The following SLC24A4 variants were observed in gnomAD, a reference collection of about 807,000 sequenced individuals.
The protein encoded by SLC24A4 is solute carrier family 24 member 4.
In SLC24A4, 53 loss-of-function variants were observed where a neutral mutation model predicts 79.0. That is an observed-to-expected ratio of 0.67 (90% CI 0.54 to 0.84). The LOEUF (loss-of-function observed/expected upper bound fraction) is 0.84. SLC24A4 is among the 40% of genes least tolerant of loss of function. The pLI is 0.00. For missense variants in SLC24A4, 731 were observed against 822.0 expected, an observed-to-expected ratio of 0.89 and a Z score of 1.35; for synonymous variants, 323 against 323.8, an observed-to-expected ratio of 1.00 and a Z score of 0.03.
chr14:92,481,458 C>T (rs1895069663), intron 12 of SLC24A4, among the ~76,000 whole-genome samples: 1 of 152,200 alleles, frequency 6.6e-6, no homozygotes, highest in African/African-American at 2.4e-5. Context: ...AAAATAAAGA[C>T]AGCCTTGAAA....
intron 7 of SLC24A4, among the ~76,000 whole-genome samples, chr14:92,444,688 C>T (rs960198668): frequency 6.6e-6 from 1 of 152,120 alleles, no homozygotes; most frequent in African/African-American, 2.4e-5. Flanking sequence ...AACCTTGTCT[C>T]TACTAAAAGT....
intron 6 of SLC24A4, 90 bp downstream of exon 6, chr14:92,442,906 G>T: frequency 9.3e-7 from 1 of 1,071,624 alleles, no homozygotes; most frequent in Non-Finnish European, 1.4e-6. Context: ...TAGCAGTGGG[G>T]ACGCCCACAG....
chr14:92,488,141 G>A (rs560553094), intron 14 of SLC24A4, among the ~76,000 whole-genome samples: 226 of 148,536 alleles, frequency 1.5e-3, no homozygotes, highest in Non-Finnish European at 2.3e-3. Flanking sequence ...GCGTGATCTC[G>A]GCTTACTGCA....
At chr14:92,422,321 A>G (rs1891333947) in intron 2 of SLC24A4, among the ~76,000 whole-genome samples, 2 of 152,232 alleles carry the variant, frequency 1.3e-5, no homozygotes, top group African/African-American at 4.8e-5. Flanking sequence ...CACACATATG[A>G]CTTTCACCCT....
chr14:92,332,137 C>T (rs1885515593), intron 2 of SLC24A4, among the ~76,000 whole-genome samples: 1 of 152,006 alleles, frequency 6.6e-6, no homozygotes, highest in Admixed American at 6.5e-5. Flanking sequence ...AAAAAATTAG[C>T]CAGGCATCAT....
rs750051961 is a variant in SLC24A4 at position 92,439,379 on chromosome 14, C to G, written c.363C>G (p.Phe121Leu). ...FYALAIVCDD[F>L]FVPSLEKICE... ...CCTTGGCCATAGTGTGCGATGACTT[C>G]TTTGTTCCGTCTCTAGAGAAGATCT... is the stretch of plus-strand genomic sequence containing the variant. Residue 121 changes from phenylalanine (F) to leucine (L), a missense_variant, in exon 4 of 17, where the codon TTC (phenylalanine) becomes TTG (leucine). Phe to Leu is a conservative substitution (Grantham distance 22). Transcript: ENST00000532405. The G allele has an allele frequency of 1.9e-5, 30 of 1,613,126 alleles. No homozygotes were observed. In the Middle Eastern group the frequency reaches 8.3e-4, roughly 44 times the overall value.
chr14:92,427,373 G>T (rs1891620690), intron 2 of SLC24A4, among the ~76,000 whole-genome samples: 1 of 152,280 alleles, frequency 6.6e-6, no homozygotes, highest in Admixed American at 6.5e-5. Flanking sequence ...CATGGGGAAG[G>T]TGGCATGAGT....
At position 92,353,235 on chromosome 14, in the gene SLC24A4, A is replaced by G. The variant is rs1163862248; in HGVS notation, c.241+27257A>G. On this transcript the variant is annotated intron_variant, in intron 2 of 16. Coordinates refer to ENST00000532405, the MANE Select transcript of SLC24A4 (RefSeq NM_153646.4). The surrounding 1 kb of genome is among the most constrained non-coding windows in gnomAD (Gnocchi z 4.1). ...TGATCCGTACCTATCTTTGCTCAATATTGAAGGCTAACCCAAGTCATTAAT... is the reference window on the plus strand; with the variant it reads ...TGATCCGTACCTATCTTTGCTCAATGTTGAAGGCTAACCCAAGTCATTAAT... Among the ~76,000 whole-genome samples the G allele has an allele frequency of 6.6e-6, 1 of 152,204 alleles. No homozygotes were observed. The highest frequency in any genetic ancestry group is 2.4e-5 in the African/African-American group (1 of 41,444).
At chr14:92,403,396 A>G (rs1040601470) in intron 2 of SLC24A4, among the ~76,000 whole-genome samples, 1 of 152,044 alleles carries the variant, frequency 6.6e-6, no homozygotes, top group African/African-American at 2.4e-5. Flanking sequence ...TCACGAGGTC[A>G]GAAGATTGAG....
intron 12 of SLC24A4, among the ~76,000 whole-genome samples, chr14:92,464,987 G>C (rs78431398): frequency 0.027 from 4,182 of 152,230 alleles, 187 homozygotes; most frequent in African/African-American, 0.095. Context: ...CCAGCACCGT[G>C]CCTGACATCT....
chr14:92,480,144 A>ATT (rs56249341), intron 12 of SLC24A4, among the ~76,000 whole-genome samples: 20 of 148,570 alleles, frequency 1.3e-4, no homozygotes, highest in South Asian at 2.1e-4. Flanking sequence ...GATTCTTTGT[A>ATT]TTTTTTTTTA....
intron 2 of SLC24A4, among the ~76,000 whole-genome samples, chr14:92,329,699 G>A (rs1179055314): frequency 1.3e-5 from 2 of 152,192 alleles, no homozygotes; most frequent in East Asian, 1.9e-4. Flanking sequence ...TAGAGGCAGG[G>A]TTTTGCCATG....
Position 92,492,257 on chromosome 14 carries a change from C to A in SLC24A4, c.1716+17C>A. On this transcript the variant is annotated intron_variant, in intron 16 of 16. Transcript: ENST00000532405. ...GCTCTCACCGTGAGTCTTTACAATTCCAAAACAGATGCCTCATGCATACTT... is the reference window on the plus strand; with the variant it reads ...GCTCTCACCGTGAGTCTTTACAATTACAAAACAGATGCCTCATGCATACTT... 1 of 1,612,344 alleles carries A rather than the reference C, an allele frequency of 6.2e-7. No homozygotes were observed. Among genetic ancestry groups the A allele is most frequent in the South Asian group, 1.1e-5 (1 of 91,026 alleles).
chr14:92,482,731 T>A lies in SLC24A4; in HGVS notation c.1307T>A (p.Leu436His). Residue 436 changes from leucine to histidine, a missense_variant, in exon 13 of 17, where the codon CTC becomes CAC. Leu to His is a moderately conservative substitution (Grantham distance 99). Transcript: ENST00000532405. The part of the protein sequence containing the change: ...KWVFTWPLIF[L>H]LCVTIPNCSK... The stretch of plus-strand genomic sequence containing the variant: ...GTGTTCACCTGGCCCCTCATCTTCC[T>A]CCTGTGCGTCACCATTCCCAACTGC... 6.2e-7 allele frequency: 1 copy of A among 1,614,114 alleles called. No homozygotes were observed. Among genetic ancestry groups the A allele is most frequent in the Non-Finnish European group, 8.5e-7 (1 of 1,179,998 alleles).
At chr14:92,358,926 T>C (rs1255841015) in intron 2 of SLC24A4, among the ~76,000 whole-genome samples, 1 of 151,896 alleles carries the variant, frequency 6.6e-6, no homozygotes, top group Admixed American at 6.6e-5. Flanking sequence ...CCTCAAGTGA[T>C]CCACTCACCT....
chr14:92,328,160 C>G (rs895393786), intron 2 of SLC24A4, among the ~76,000 whole-genome samples: 16 of 152,232 alleles, frequency 1.1e-4, no homozygotes, highest in Non-Finnish European at 1.9e-4. Context: ...CAGGTGGGGT[C>G]TGTGGCCAGC....
intron 15 of SLC24A4, 26 bp downstream of exon 15, chr14:92,491,803 T>A: frequency 6.4e-7 from 1 of 1,561,906 alleles, no homozygotes; most frequent in Non-Finnish European, 8.8e-7. Flanking sequence ...CTTTAACAGA[T>A]GTGTTTTACC....
At chr14:92,464,909 G>A (rs1015996129) in intron 12 of SLC24A4, among the ~76,000 whole-genome samples, 2 of 152,212 alleles carry the variant, frequency 1.3e-5, no homozygotes, top group African/African-American at 2.4e-5. Context: ...TGGGGGAGGC[G>A]AAGGAGGGCA....
At chr14:92,493,091 T>C (rs1168234282) in intron 16 of SLC24A4, among the ~76,000 whole-genome samples, 3 of 150,732 alleles carry the variant, frequency 2.0e-5, no homozygotes, top group African/African-American at 7.4e-5. Context: ...GAAAAGACCA[T>C]GGTTCCACGC....
Sources: allele counts gnomAD v4.1 joint callset (sites outside exome capture counted in the v4.1 genomes callset), GRCh38; gene constraint gnomAD v4.1.1; non-coding constraint Gnocchi (gnomAD v3.1); transcripts MANE v1.5; gene names NCBI Gene and HGNC (gene_info 2026-07-23, HGNC 2026-07-21).